CRYBA4: variants seen among roughly 807,000 people sequenced by gnomAD.
CRYBA4 encodes the protein crystallin beta A4, also known as beta-crystallin A4.
CRYBA4 carries 30 observed loss-of-function variants against 31.7 expected under a neutral mutation model. That is an observed-to-expected ratio of 0.95 (90% CI 0.71 to 1.28). The LOEUF (loss-of-function observed/expected upper bound fraction) is 1.28, where lower values mean the gene tolerates loss of function less well. Ranked by LOEUF, CRYBA4 falls within the 50% of genes most tolerant of loss-of-function variation. CRYBA4 has a pLI of 0.00. For missense variants in CRYBA4, 225 were observed against 260.7 expected (o/e 0.86, Z 0.94); for synonymous variants, 102 against 102.3 (o/e 1.00, Z 0.02).
chr22:26,598,291 T>C, the CRYBA4 span, among the ~76,000 whole-genome samples: 1 of 152,224 alleles, frequency 6.6e-6, no homozygotes, highest in Non-Finnish European at 1.5e-5. Flanking sequence ...CTTTAAATTG[T>C]ATTTGATTTA....
upstream of CRYBA4, among the ~76,000 whole-genome samples, chr22:26,618,823 C>G (rs925068310): frequency 2.6e-5 from 4 of 152,172 alleles, no homozygotes; most frequent in Admixed American, 1.3e-4. Flanking sequence ...GGTTGGATAT[C>G]GGAGACCTGG....
At chr22:26,593,635 C>G in the CRYBA4 span, among the ~76,000 whole-genome samples, 1 of 152,092 alleles carries the variant, frequency 6.6e-6, no homozygotes, top group African/African-American at 2.4e-5. Context: ...AAGCAGTCCT[C>G]CTGCTTCAGC....
chr22:26,607,922 A>G, the CRYBA4 span: 615 of 1,614,196 alleles, frequency 3.8e-4, 6 homozygotes, highest in African/African-American at 7.2e-3. Context: ...TGAGCCGATC[A>G]CTGCGGTAGC....
At chr22:26,629,540 G>A (rs1015276046) in intron 5 of CRYBA4, among the ~76,000 whole-genome samples, 4 of 151,728 alleles carry the variant, frequency 2.6e-5, no homozygotes, top group Non-Finnish European at 4.4e-5. Context: ...TCAGGAGTTC[G>A]AGACCAGCCT....
At chr22:26,612,154 G>C in the CRYBA4 span, 4 of 1,613,884 alleles carry the variant, frequency 2.5e-6, no homozygotes, top group Non-Finnish European at 3.4e-6. Flanking sequence ...AATTCTGCTC[G>C]ACGGCCCTGG....
chr22:26,607,754 G>C, the CRYBA4 span: 1 of 1,170,128 alleles, frequency 8.5e-7, no homozygotes, highest in Admixed American at 1.8e-5. Flanking sequence ...AAGAATCCAC[G>C]GTCCTTTGAC....
At chr22:26,613,646 A>C in the CRYBA4 span, among the ~76,000 whole-genome samples, 2 of 152,284 alleles carry the variant, frequency 1.3e-5, no homozygotes, top group African/African-American at 4.8e-5. Flanking sequence ...TCAGCTGAGG[A>C]GGATGTATGT....
chr22:26,598,726 C>G, the CRYBA4 span, among the ~76,000 whole-genome samples: 1 of 152,142 alleles, frequency 6.6e-6, no homozygotes, highest in Non-Finnish European at 1.5e-5. Context: ...TTTTCCACTT[C>G]TTGGAGCATT....
chr22:26,614,403 C>T, the CRYBA4 span, among the ~76,000 whole-genome samples: 3 of 151,974 alleles, frequency 2.0e-5, no homozygotes, highest in East Asian at 1.9e-4. Flanking sequence ...TCAAGCTGGC[C>T]GACGCTTAGG....
chr22:26,627,477 TCTTTCTTTCCTTTTCTTTCTTTC>T (rs1294479236), intron 4 of CRYBA4, among the ~76,000 whole-genome samples: 3 of 76,796 alleles, frequency 3.9e-5, no homozygotes, highest in Non-Finnish European at 4.6e-5. Flanking sequence ...TCTTTCTTTC[TCTTTCTTTCCTTTTCTTTCTTTC>T]TTTCTTTCTT....
chr22:26,627,564 C>G (rs999174951), intron 4 of CRYBA4, among the ~76,000 whole-genome samples: 2 of 120,004 alleles, frequency 1.7e-5, no homozygotes, highest in Non-Finnish European at 3.5e-5. Flanking sequence ...TTCTTTCATT[C>G]TCTGTCTTTC....
At chr22:26,622,272 C>T (rs1330478348) in intron 1 of CRYBA4, among the ~76,000 whole-genome samples, 1 of 152,074 alleles carries the variant, frequency 6.6e-6, no homozygotes, top group Non-Finnish European at 1.5e-5. Context: ...TTTCAGCACT[C>T]GCTGGGGTGA....
upstream of CRYBA4, among the ~76,000 whole-genome samples, chr22:26,620,102 C>A (rs916931543): frequency 2.0e-5 from 3 of 151,486 alleles, no homozygotes; most frequent in Non-Finnish European, 4.4e-5. Flanking sequence ...AACTCCCTTT[C>A]CTTCCTCTCT....
chr22:26,617,178 G>A (rs1471971214), upstream of CRYBA4, among the ~76,000 whole-genome samples: 7 of 152,134 alleles, frequency 4.6e-5, no homozygotes, highest in African/African-American at 1.4e-4. Flanking sequence ...ACTGGGGCTG[G>A]GTAGGCTTTG....
intron 4 of CRYBA4, among the ~76,000 whole-genome samples, chr22:26,627,645 T>A (rs1325125668): frequency 2.8e-5 from 4 of 144,772 alleles, no homozygotes; most frequent in African/African-American, 1.1e-4. Context: ...TCTCTCTCTC[T>A]CTTTCTTTCT....
the CRYBA4 span, among the ~76,000 whole-genome samples, chr22:26,611,454 G>GTTTTT: frequency 4.2e-5 from 6 of 142,688 alleles, no homozygotes; most frequent in African/African-American, 1.3e-4. Flanking sequence ...GCTAGAGTTT[G>GTTTTT]TTTTTTTTTT....
chr22:26,606,074 G>C, the CRYBA4 span, among the ~76,000 whole-genome samples: 1 of 152,200 alleles, frequency 6.6e-6, no homozygotes. Flanking sequence ...TTTATGTGTA[G>C]CCCAAGACAA....
At chr22:26,627,367 T>G (rs1359510803) in intron 4 of CRYBA4, among the ~76,000 whole-genome samples, 2 of 30,048 alleles carry the variant, frequency 6.7e-5, no homozygotes, top group Non-Finnish European at 1.2e-4. Context: ...CTCCTTTCTT[T>G]CTTTCTTTCT....
the CRYBA4 span, among the ~76,000 whole-genome samples, chr22:26,607,381 T>C: frequency 6.6e-6 from 1 of 151,936 alleles, no homozygotes; most frequent in Non-Finnish European, 1.5e-5. Context: ...GTGTTTCGAA[T>C]GGGCACTGAA....
Sources: gnomAD v4.1 joint callset for allele counts (sites outside exome capture counted in the v4.1 genomes callset) on GRCh38, gnomAD v4.1.1 for gene constraint, MANE v1.5 for transcripts, NCBI Gene and HGNC (gene_info 2026-07-23, HGNC 2026-07-21) for gene names.